The following FSHR variants were observed in gnomAD, a reference collection of about 807,000 sequenced individuals.
The protein encoded by FSHR is follicle-stimulating hormone receptor.
Under a neutral mutation model 52.1 loss-of-function variants are expected in FSHR, and 46 were observed. That is an observed-to-expected ratio of 0.88 (90% confidence interval 0.70 to 1.13). The LOEUF is 1.13. Among genes scored for constraint, FSHR ranks in the 50% most tolerant of loss-of-function variants. The pLI, the probability that FSHR is intolerant of heterozygous loss-of-function variation, is 0.00. For synonymous variants in FSHR, 399 were observed against 309.6 expected, an observed-to-expected ratio of 1.29 and a Z score of -3.03; for missense variants, 964 against 834.6, an observed-to-expected ratio of 1.16 and a Z score of -1.91.
chr2:49,061,944 C>G (rs1367892608), intron 2 of FSHR, among the ~76,000 whole-genome samples: 1 of 150,364 alleles, frequency 6.7e-6, no homozygotes, highest in Admixed American at 6.7e-5. Context: ...AAGAGATAGC[C>G]TCTAATACAG....
intron 1 of FSHR, among the ~76,000 whole-genome samples, chr2:49,125,157 C>T (rs1398511531): frequency 6.6e-6 from 1 of 152,172 alleles, no homozygotes; most frequent in Non-Finnish European, 1.5e-5. Context: ...ATGTCTGATC[C>T]TCCCTATTGC....
chr2:49,049,040 C>T (rs1668760648), intron 2 of FSHR, among the ~76,000 whole-genome samples: 2 of 152,008 alleles, frequency 1.3e-5, no homozygotes, highest in Admixed American at 6.6e-5. Flanking sequence ...CTTTAGATTG[C>T]TTCTTTTTAT....
chr2:48,967,712 G>GGGT (rs1674540596), intron 9 of FSHR, among the ~76,000 whole-genome samples: 1 of 152,216 alleles, frequency 6.6e-6, no homozygotes, highest in African/African-American at 2.4e-5. Context: ...AAACATTTTA[G>GGGT]GGTGGGTACT....
At chr2:49,142,276 G>A (rs1383730374) in intron 1 of FSHR, among the ~76,000 whole-genome samples, 1 of 152,082 alleles carries the variant, frequency 6.6e-6, no homozygotes, top group Non-Finnish European at 1.5e-5. Flanking sequence ...ATAGTGGAGT[G>A]GTCAAAAAGA....
At position 48,976,386 on chromosome 2, in the gene FSHR, G is replaced by T. The variant is rs942680560; in HGVS notation, c.668+6526C>A. Among the ~76,000 whole-genome samples, 4 of 152,206 alleles carry T rather than the reference G, an allele frequency of 2.6e-5. No individual in the cohort carries two copies. The South Asian group carries it at 6.2e-4, about 24-fold the overall frequency. On this transcript the variant is annotated intron_variant, in intron 8 of 9. Transcript: ENST00000406846. ...TTTGATGTGCTGCTGGATTCAGTTT[G>T]TCAGTATTTCATTGAGGATTTTCGC...
chr2:48,975,470 A>G (rs1045205074), intron 8 of FSHR, among the ~76,000 whole-genome samples: 4 of 152,124 alleles, frequency 2.6e-5, no homozygotes, highest in African/African-American at 9.7e-5. Context: ...CCTTGTTGAC[A>G]CAGGCACGTC....
At chr2:49,097,062 C>T (rs1299268307) in intron 1 of FSHR, among the ~76,000 whole-genome samples, 3 of 152,216 alleles carry the variant, frequency 2.0e-5, no homozygotes, top group Non-Finnish European at 4.4e-5. Flanking sequence ...TATCCAGTCT[C>T]AGTTATTGCT....
chr2:48,997,145 C>G, intron 4 of FSHR: 1 of 877,796 alleles, frequency 1.1e-6, no homozygotes, highest in Non-Finnish European at 1.4e-6. Context: ...AGTGGTCTCT[C>G]TAGCTTCTGG....
At chr2:49,017,423 C>T (rs1268990518) in intron 4 of FSHR, 66 bp downstream of exon 4, 16 of 1,235,620 alleles carry the variant, frequency 1.3e-5, no homozygotes, top group Admixed American at 6.8e-5. Flanking sequence ...ATCAAGTAGG[C>T]CTTTTAGTAA....
At chr2:49,103,064 T>C (rs1671091732) in intron 1 of FSHR, among the ~76,000 whole-genome samples, 1 of 152,150 alleles carries the variant, frequency 6.6e-6, no homozygotes, top group South Asian at 2.1e-4. Flanking sequence ...TGTATATCTG[T>C]TTATGTATTG....
intron 1 of FSHR, among the ~76,000 whole-genome samples, chr2:49,112,734 A>G (rs1283781917): frequency 6.6e-6 from 1 of 152,154 alleles, no homozygotes; most frequent in Non-Finnish European, 1.5e-5. Context: ...CTAATAGTTA[A>G]CTAAGTAACA....
Position 48,962,413 on chromosome 2 carries a change from C to T in FSHR, c.*320G>A. ...TCATTTGTAAAACTCCAAGAATAAT[C>T]CCTGTCCTGCTTATTTAACAGGGAT... On this transcript the variant is annotated 3_prime_UTR_variant, in exon 10 of 10. Transcript: ENST00000406846. 3.0e-6 allele frequency: 1 copy of T among 332,134 alleles called. No individual in the cohort carries two copies. Among genetic ancestry groups the T allele is most frequent in the Non-Finnish European group, 5.7e-6 (1 of 175,738 alleles). The allele number at this position is 332,134 out of a possible 1,614,324, so 20.6% of individuals were successfully genotyped here. A position where few individuals can be genotyped will look rare whatever the true frequency, so the allele number is the denominator to read the frequency against.
At chr2:48,988,090 G>A (rs919590681) in intron 6 of FSHR, among the ~76,000 whole-genome samples, 1 of 152,102 alleles carries the variant, frequency 6.6e-6, no homozygotes, top group African/African-American at 2.4e-5. Flanking sequence ...ACTCATCAAA[G>A]TGTTATAATC....
At chr2:49,135,641 G>GTCACATTT (rs1672463095) in intron 1 of FSHR, among the ~76,000 whole-genome samples, 2 of 152,116 alleles carry the variant, frequency 1.3e-5, no homozygotes, top group South Asian at 2.1e-4. Context: ...TGGAGGTTAG[G>GTCACATTT]TTTACCAACC....
chr2:49,153,069 G>A (rs900257509), intron 1 of FSHR, among the ~76,000 whole-genome samples: 3 of 152,202 alleles, frequency 2.0e-5, no homozygotes, highest in African/African-American at 7.2e-5. Context: ...GATAAGGACT[G>A]AAGACTTGAG....
chr2:49,017,337 C>G, intron 4 of FSHR, 152 bp downstream of exon 4: 1 of 615,288 alleles, frequency 1.6e-6, no homozygotes, highest in South Asian at 2.1e-5. Flanking sequence ...AACTAAAATC[C>G]ATCACCAAGT....
At chr2:49,112,994 C>G (rs1126076) in intron 1 of FSHR, among the ~76,000 whole-genome samples, 40,665 of 151,884 alleles carry the variant, frequency 0.27, 7,198 homozygotes, top group African/African-American at 0.51. Context: ...AAAAGAAAAG[C>G]CTCCATGAGT....
intron 1 of FSHR, among the ~76,000 whole-genome samples, chr2:49,069,409 A>G (rs1021566920): frequency 3.3e-5 from 5 of 152,098 alleles, no homozygotes; most frequent in African/African-American, 1.2e-4. Context: ...CTAACCATCT[A>G]TTTAAAATGA....
chr2:49,039,878 T>G (rs1286501930), intron 2 of FSHR, among the ~76,000 whole-genome samples: 2 of 151,930 alleles, frequency 1.3e-5, no homozygotes, highest in Non-Finnish European at 2.9e-5. Context: ...TATCTTATGG[T>G]GGAATTATGT....
Sources: allele counts gnomAD v4.1 joint callset (sites outside exome capture counted in the v4.1 genomes callset), GRCh38; gene constraint gnomAD v4.1.1; transcripts MANE v1.5; gene names NCBI Gene and HGNC (gene_info 2026-07-23, HGNC 2026-07-21).